The following SUPT3H variants were observed in gnomAD, a reference collection of about 807,000 sequenced individuals.
SUPT3H encodes transcription initiation protein SPT3 homolog.
A neutral mutation model predicts 44.3 loss-of-function variants in SUPT3H; 44 were observed. That is an observed-to-expected ratio of 0.99 (90% confidence interval 0.78 to 1.28). The LOEUF (loss-of-function observed/expected upper bound fraction) is 1.28, where lower values mean the gene tolerates loss of function less well. Among genes scored for constraint, SUPT3H ranks in the 50% most tolerant of loss-of-function variants. SUPT3H has a pLI of 0.00. For synonymous variants in SUPT3H, 124 were observed against 125.6 expected, an observed-to-expected ratio of 0.99 and a Z score of 0.09; for missense variants, 380 against 387.1, an observed-to-expected ratio of 0.98 and a Z score of 0.15.
chr6:45,153,993 C>A (rs1197587696), intron 2 of SUPT3H, among the ~76,000 whole-genome samples: 1 of 141,392 alleles, frequency 7.1e-6, no homozygotes, highest in Non-Finnish European at 1.5e-5. Context: ...TCGCTTGAAC[C>A]CGGGAGGCGG....
At chr6:45,045,566 C>T (rs1449617744) in intron 3 of SUPT3H, among the ~76,000 whole-genome samples, 2 of 152,166 alleles carry the variant, frequency 1.3e-5, no homozygotes, top group Non-Finnish European at 2.9e-5. Context: ...CTGGGGTTTT[C>T]TAAATACAGA....
chr6:45,193,913 T>G (rs1815559204), intron 2 of SUPT3H, among the ~76,000 whole-genome samples: 1 of 152,152 alleles, frequency 6.6e-6, no homozygotes, highest in African/African-American at 2.4e-5. Context: ...TTTTAAGTAT[T>G]TTATCTATTT....
chr6:45,091,904 A>G (rs1797170351), intron 3 of SUPT3H, among the ~76,000 whole-genome samples: 2 of 151,834 alleles, frequency 1.3e-5, no homozygotes, highest in Admixed American at 6.6e-5. Context: ...TAAAATATAA[A>G]TTTTATATTT....
At chr6:45,281,686 G>C (rs750419829) in intron 2 of SUPT3H, among the ~76,000 whole-genome samples, 1 of 152,172 alleles carries the variant, frequency 6.6e-6, no homozygotes. Context: ...CCAAACAATA[G>C]GCAGCAGAAA....
At chr6:45,268,151 C>G (rs1417512100) in intron 2 of SUPT3H, among the ~76,000 whole-genome samples, 2 of 152,142 alleles carry the variant, frequency 1.3e-5, no homozygotes, top group African/African-American at 4.8e-5. Flanking sequence ...TTAGTTCCTT[C>G]TTTTATCTGG....
chr6:44,978,942 G>T (rs1170037363), intron 6 of SUPT3H, among the ~76,000 whole-genome samples: 2 of 152,150 alleles, frequency 1.3e-5, no homozygotes, highest in East Asian at 3.8e-4. Context: ...ATATGTCCTT[G>T]CCAAAATAAT....
In SUPT3H at chr6:44,879,179, G is replaced by A. The variant is rs534793821; in HGVS notation, c.913-49322C>T. On this transcript the variant is annotated intron_variant, in intron 10 of 10. Coordinates refer to ENST00000371459, the MANE Select transcript of SUPT3H (RefSeq NM_003599.4). Reference sequence around the variant, plus strand: ...CCAGCAAGCTAAGATCCACTGGCTTGAAATTCTTGCTGCCAGCACAGCAGT... The same window carrying A: ...CCAGCAAGCTAAGATCCACTGGCTTAAAATTCTTGCTGCCAGCACAGCAGT... Among the ~76,000 whole-genome samples, 258 of 152,348 alleles carry A rather than the reference G, an allele frequency of 1.7e-3. 1 individual carries two copies. The highest frequency in any genetic ancestry group is 2.8e-3 in the Non-Finnish European group (188 of 68,030).
At chr6:45,246,103 AT>A (rs1429678268) in intron 2 of SUPT3H, among the ~76,000 whole-genome samples, 1 of 151,916 alleles carries the variant, frequency 6.6e-6, no homozygotes. Flanking sequence ...ATTTTTGCCC[AT>A]TTTTTAATTG....
At chr6:45,129,936 G>A (rs1394664121) in intron 2 of SUPT3H, among the ~76,000 whole-genome samples, 2 of 152,068 alleles carry the variant, frequency 1.3e-5, no homozygotes, top group African/African-American at 2.4e-5. Context: ...TAAGACTGGC[G>A]TAATGATTGG....
intron 6 of SUPT3H, among the ~76,000 whole-genome samples, chr6:44,985,094 T>A (rs1425020732): frequency 6.6e-6 from 1 of 151,452 alleles, no homozygotes; most frequent in Non-Finnish European, 1.5e-5. Flanking sequence ...ATCCTCGTGT[T>A]CTGGGAGGCT....
chr6:45,173,839 A>G (rs1362800153), intron 2 of SUPT3H, among the ~76,000 whole-genome samples: 1 of 152,208 alleles, frequency 6.6e-6, no homozygotes, highest in Non-Finnish European at 1.5e-5. Flanking sequence ...GGAAGACATC[A>G]CTGATGCCCC....
chr6:45,195,517 G>A (rs1200080625), intron 2 of SUPT3H, among the ~76,000 whole-genome samples: 2 of 152,142 alleles, frequency 1.3e-5, no homozygotes, highest in East Asian at 1.9e-4. Flanking sequence ...CTGGGAAGAT[G>A]TAACAAACTT....
Position 45,177,372 on chromosome 6 carries a change from AAG to A in SUPT3H, c.102-71368_102-71367del, listed in dbSNP as rs1490146339. ...AGTGAGAAGGGAAGTTTAGAGAAAA[AAG>A]AATAAAAAGAAACGAGTAAAGCCTC... On this transcript the variant is annotated intron_variant, in intron 2 of 10. Coordinates refer to ENST00000371459, the MANE Select transcript of SUPT3H (RefSeq NM_003599.4). Among the ~76,000 whole-genome samples the A allele has an allele frequency of 2.0e-5, 3 of 152,184 alleles. No homozygotes were observed. The East Asian group carries it at 5.8e-4, about 29-fold the overall frequency.
intron 2 of SUPT3H, among the ~76,000 whole-genome samples, chr6:45,131,650 A>G (rs534703527): frequency 6.6e-6 from 1 of 152,364 alleles, no homozygotes; most frequent in Admixed American, 6.5e-5. Context: ...ATTCAGATTG[A>G]CGGAATATGT....
At chr6:45,203,142 G>A (rs1762688434) in intron 2 of SUPT3H, among the ~76,000 whole-genome samples, 2 of 152,162 alleles carry the variant, frequency 1.3e-5, no homozygotes, top group Non-Finnish European at 2.9e-5. Flanking sequence ...CATTTAAGTG[G>A]ATAGAGAATA....
intron 3 of SUPT3H, among the ~76,000 whole-genome samples, chr6:45,093,335 C>T (rs1326463161): frequency 2.0e-5 from 3 of 151,968 alleles, no homozygotes; most frequent in African/African-American, 7.3e-5. Context: ...CCTATATATA[C>T]AATAAAATAA....
chr6:44,933,563 T>C (rs1770937984), intron 9 of SUPT3H, among the ~76,000 whole-genome samples: 1 of 152,226 alleles, frequency 6.6e-6, no homozygotes, highest in Non-Finnish European at 1.5e-5. Context: ...AAAACAATTA[T>C]AATTGCTTGT....
intron 2 of SUPT3H, among the ~76,000 whole-genome samples, chr6:45,238,066 G>A (rs1015720039): frequency 6.6e-6 from 1 of 152,164 alleles, no homozygotes; most frequent in African/African-American, 2.4e-5. Context: ...AAAGTGTTGT[G>A]ACAAGGCATG....
rs559183609 is a variant in SUPT3H at position 45,224,135 on chromosome 6, A to AAT, written c.102-118131_102-118130dup. On this transcript the variant is annotated intron_variant, in intron 2 of 10. Coordinates refer to ENST00000371459, the MANE Select transcript of SUPT3H (RefSeq NM_003599.4). ...ACTCACAGGATTGAAAGACAAACATAATATATATATATACATATAAATGTA... is the reference window on the plus strand; with the variant it reads ...ACTCACAGGATTGAAAGACAAACATAATATATATATATATACATATAAATGTA... Among the ~76,000 whole-genome samples the AAT allele has an allele frequency of 1.0e-3, 158 of 150,688 alleles. 1 individual carries two copies. The South Asian group carries it at 0.015, about 14-fold the overall frequency.
Sources: gnomAD v4.1 joint callset for allele counts (sites outside exome capture counted in the v4.1 genomes callset) on GRCh38, gnomAD v4.1.1 for gene constraint, MANE v1.5 for transcripts, NCBI Gene and HGNC (gene_info 2026-07-23, HGNC 2026-07-21) for gene names.